Variants in PIGU observed in about 807,000 individuals in gnomAD.
The protein encoded by PIGU is phosphatidylinositol glycan anchor biosynthesis class U.
PIGU carries 24 observed loss-of-function variants against 49.9 expected under a neutral mutation model. That is an observed-to-expected ratio of 0.48 (90% confidence interval 0.35 to 0.68). The LOEUF (loss-of-function observed/expected upper bound fraction) is 0.68, where lower values mean the gene tolerates loss of function less well. PIGU is among the 30% of genes least tolerant of loss of function. The probability of loss-of-function intolerance (pLI) is 0.01; values close to 1 mark genes in which losing one functional copy is unlikely to be tolerated. For missense variants in PIGU, 490 were observed against 532.6 expected, an observed-to-expected ratio of 0.92 and a Z score of 0.79; for synonymous variants, 220 against 205.7, an observed-to-expected ratio of 1.07 and a Z score of -0.59.
intron 7 of PIGU, among the ~76,000 whole-genome samples, chr20:34,607,804 G>T (rs6088537): frequency 0.37 from 55,959 of 151,906 alleles, 10,673 homozygotes; most frequent in Admixed American, 0.54. Flanking sequence ...CTGTGCCATG[G>T]GACTGCACAG....
intron 9 of PIGU, among the ~76,000 whole-genome samples, chr20:34,581,879 G>C (rs990857849): frequency 2.0e-5 from 3 of 152,194 alleles, no homozygotes; most frequent in Admixed American, 2.0e-4. Context: ...TGGTGAGGAG[G>C]GCCTGGCAAA....
At chr20:34,676,565 C>T (rs985027916) in intron 1 of PIGU, among the ~76,000 whole-genome samples, 2 of 152,168 alleles carry the variant, frequency 1.3e-5, no homozygotes, top group African/African-American at 4.8e-5. Context: ...ACCTTTTATC[C>T]CAGGGAGCAC....
chr20:34,641,181 T>C (rs1042222827), intron 4 of PIGU, among the ~76,000 whole-genome samples: 5 of 152,046 alleles, frequency 3.3e-5, no homozygotes, highest in African/African-American at 9.6e-5. Flanking sequence ...CCTCCCAAAG[T>C]GTTGGGATTA....
rs1022835989 is a variant in PIGU, at chr20:34,560,545, A to ACTT, written c.*318_*320dup. 1 of 303,178 alleles carries ACTT rather than the reference A, an allele frequency of 3.3e-6. No homozygotes were observed. The highest frequency in any genetic ancestry group is 6.1e-6 in the Non-Finnish European group (1 of 164,254). The allele number at this position is 303,178 out of a possible 1,614,324, so 18.8% of individuals were successfully genotyped here. ...CAATGCAGATGTGGTCTCAGGGTAGACTTCATAACAAAAAACATTTATTAA... is the reference window on the plus strand; with the variant it reads ...CAATGCAGATGTGGTCTCAGGGTAGACTTCTTCATAACAAAAAACATTTATTAA... On this transcript the variant is annotated 3_prime_UTR_variant, in exon 12 of 12. Transcript: ENST00000217446.
intron 1 of PIGU, among the ~76,000 whole-genome samples, chr20:34,663,571 A>G (rs1454521334): frequency 2.0e-5 from 3 of 152,148 alleles, no homozygotes; most frequent in Non-Finnish European, 4.4e-5. Flanking sequence ...TTATAAGACT[A>G]CCCTAAAGAA....
Position 34,677,068 on chromosome 20 carries a change from G to C in PIGU, c.18C>G (p.Val6=), listed in dbSNP as rs368547588. The C allele has an allele frequency of 2.6e-6, 4 of 1,565,834 alleles. No homozygotes were observed. The highest frequency in any genetic ancestry group is 3.5e-6 in the Non-Finnish European group (4 of 1,155,634). The change falls in exon 1 of 12, where the codon GTC becomes GTG. Residue 6 remains valine (V), a synonymous_variant. Coordinates refer to ENST00000217446, the MANE Select transcript of PIGU (RefSeq NM_080476.5). Reference sequence around the variant, plus strand: ...CTGTCACAGCCACCACCAGCACCAGGACCAAGGGAGCCGCCATGATAACTG... The same window carrying C: ...CTGTCACAGCCACCACCAGCACCAGCACCAAGGGAGCCGCCATGATAACTG... MAAPL[V]LVLVVAVTVR...
intron 9 of PIGU, among the ~76,000 whole-genome samples, chr20:34,584,619 C>G (rs867861289): frequency 1.1e-4 from 17 of 151,606 alleles, no homozygotes; most frequent in African/African-American, 4.1e-4. Flanking sequence ...AAGTCATCCT[C>G]CTGCCTCAGC....
chr20:34,596,417 C>T (rs912124168), intron 7 of PIGU, among the ~76,000 whole-genome samples: 7 of 152,060 alleles, frequency 4.6e-5, no homozygotes, highest in Non-Finnish European at 7.4e-5. Context: ...TAAGGTCTGT[C>T]GTTTAGTTAA....
intron 1 of PIGU, 124 bp downstream of exon 1, chr20:34,676,832 C>T: frequency 2.2e-6 from 3 of 1,391,200 alleles, no homozygotes; most frequent in Non-Finnish European, 3.0e-6. Flanking sequence ...TCCAAGAACC[C>T]CACGAGACAG....
chr20:34,579,637 T>C lies in PIGU; in HGVS notation c.1051+1911A>G, dbSNP rs1983379635. On this transcript the variant is annotated intron_variant, in intron 10 of 11. Coordinates refer to ENST00000217446, the MANE Select transcript of PIGU (RefSeq NM_080476.5). Reference sequence around the variant, plus strand: ...CGTGTACTCCCTGCTGCAGGAGCAGTGAAGCAAAGGTGGACAGCTACTGTT... The same window carrying C: ...CGTGTACTCCCTGCTGCAGGAGCAGCGAAGCAAAGGTGGACAGCTACTGTT... Among the ~76,000 whole-genome samples the C allele has an allele frequency of 2.0e-5, 3 of 152,136 alleles. No homozygotes were observed. The South Asian group carries it at 6.2e-4, about 32-fold the overall frequency.
intron 1 of PIGU, among the ~76,000 whole-genome samples, chr20:34,668,496 C>A (rs964881712): frequency 2.5e-5 from 3 of 117,740 alleles, no homozygotes; most frequent in African/African-American, 1.1e-4. Flanking sequence ...GGGGGGCGGG[C>A]GTGCTGGCTC....
At chr20:34,642,959 C>T (rs1279850964) in intron 4 of PIGU, among the ~76,000 whole-genome samples, 1 of 151,718 alleles carries the variant, frequency 6.6e-6, no homozygotes. Flanking sequence ...TCTACCTACC[C>T]AACCTATTTC....
intron 7 of PIGU, among the ~76,000 whole-genome samples, chr20:34,610,954 G>A (rs940334065): frequency 6.6e-6 from 1 of 152,168 alleles, no homozygotes; most frequent in Admixed American, 6.5e-5. Flanking sequence ...AAGCAATGGG[G>A]AAAGGATTCC....
chr20:34,655,467 T>G (rs1243767853), intron 2 of PIGU, among the ~76,000 whole-genome samples: 1 of 120,850 alleles, frequency 8.3e-6, no homozygotes, highest in African/African-American at 3.0e-5. Context: ...GTCAGGAGTT[T>G]GAGAGCATCC....
rs1197451206 is a variant in PIGU, at chr20:34,633,545, G to C, written c.529+1070C>G. 2.0e-5 allele frequency among the ~76,000 whole-genome samples: 3 copies of C among 151,968 alleles called. No individual in the cohort carries two copies. In the East Asian group the frequency reaches 5.8e-4, roughly 29 times the overall value. ...CAGGAAAATCAGGCAAAGGGGAAAA[G>C]GGGATATTGGTACCAAAGAGCTAAA... is the stretch of plus-strand genomic sequence containing the variant. On this transcript the variant is annotated intron_variant, in intron 6 of 11. Transcript: ENST00000217446.
chr20:34,649,860 T>C (rs1331194385), intron 2 of PIGU, among the ~76,000 whole-genome samples: 1 of 143,164 alleles, frequency 7.0e-6, no homozygotes, highest in African/African-American at 2.6e-5. Context: ...TTTTTTTTTT[T>C]TTTTTTGAGA....
chr20:34,665,664 T>A (rs1350872301), intron 1 of PIGU, among the ~76,000 whole-genome samples: 1 of 152,102 alleles, frequency 6.6e-6, no homozygotes, highest in Non-Finnish European at 1.5e-5. Context: ...TGGAATACAT[T>A]TAGTTTTAAT....
At chr20:34,571,740 G>A (rs1416546983) in intron 11 of PIGU, among the ~76,000 whole-genome samples, 1 of 152,196 alleles carries the variant, frequency 6.6e-6, no homozygotes, top group Non-Finnish European at 1.5e-5. Flanking sequence ...CTATGAGGAG[G>A]TGACACTTCA....
chr20:34,587,348 G>A (rs906325042), intron 8 of PIGU, among the ~76,000 whole-genome samples: 1 of 152,158 alleles, frequency 6.6e-6, no homozygotes, highest in Non-Finnish European at 1.5e-5. Context: ...CCAGAGTTTT[G>A]TCGGGGGGGT....
Sources: gnomAD v4.1 joint callset for allele counts (sites outside exome capture counted in the v4.1 genomes callset) on GRCh38, gnomAD v4.1.1 for gene constraint, MANE v1.5 for transcripts, NCBI Gene and HGNC (gene_info 2026-07-23, HGNC 2026-07-21) for gene names.